The following SLC17A3 variants were observed in gnomAD, a reference collection of about 807,000 sequenced individuals.
SLC17A3 encodes the protein solute carrier family 17 member 3.
In SLC17A3, 61 loss-of-function variants were observed where a neutral mutation model predicts 60.3. That is an observed-to-expected ratio of 1.01 (90% CI 0.82 to 1.25). SLC17A3 has a LOEUF of 1.25. SLC17A3 is among the 50% of genes most tolerant of loss of function. The pLI is 0.00. For synonymous variants in SLC17A3, 192 were observed against 208.9 expected, an observed-to-expected ratio of 0.92 and a Z score of 0.70; for missense variants, 624 against 594.9, an observed-to-expected ratio of 1.05 and a Z score of -0.51.
rs1204994822 is a variant in SLC17A3, at chr6:25,850,146, A to G, written c.1025T>C (p.Val342Ala). ...NGLLSALPFI[V>A]AWVIGMVGGY... Reference sequence around the variant, plus strand: ...TCCCACCATGCCTATGACCCAGGCAACAATAAAAGGAAGGGCAGATAGAAG... The same window carrying G: ...TCCCACCATGCCTATGACCCAGGCAGCAATAAAAGGAAGGGCAGATAGAAG... Residue 342 changes from valine (V) to alanine (A), a missense_variant, in exon 9 of 13, where the codon GTT becomes GCT. Transcript: ENST00000397060. 6.2e-7 allele frequency: 1 copy of G among 1,613,738 alleles called. No homozygotes were observed. Among genetic ancestry groups the G allele is most frequent in the South Asian group, 1.1e-5 (1 of 91,066 alleles).
At chr6:25,869,535 G>A (rs1765603328) in intron 1 of SLC17A3, among the ~76,000 whole-genome samples, 1 of 151,890 alleles carries the variant, frequency 6.6e-6, no homozygotes, top group South Asian at 2.1e-4. Context: ...CCAAGGCTGG[G>A]TAATTTATAA....
chr6:25,868,480 A>G (rs145641956), intron 1 of SLC17A3, 60 bp from the exon 2 acceptor site: 61 of 1,120,560 alleles, frequency 5.4e-5, no homozygotes, highest in Admixed American at 3.2e-4. Flanking sequence ...CCCCGTTGAA[A>G]TATTTAAACA....
In SLC17A3 at chr6:25,849,445, C is replaced by T. The variant is rs1765233277; in HGVS notation, c.1291G>A (p.Gly431Arg). 1.9e-6 allele frequency: 3 copies of T among 1,611,464 alleles called. No homozygotes were observed. Among genetic ancestry groups the T allele is most frequent in the Admixed American group, 1.7e-5 (1 of 60,010 alleles). ...IAPRYSSFLM[G>R]ASRGFSSIAP... ...ATGCTCGAAAATCCTCTTGATGCTC[C>T]CATGAGAAAACTGGAATACCTGTGG... Residue 431 changes from glycine to arginine, a missense_variant, in exon 11 of 13, where the codon GGA becomes AGA. Transcript: ENST00000397060.
chr6:25,862,141 A>C, intron 3 of SLC17A3, 92 bp downstream of exon 3: 1 of 1,419,568 alleles, frequency 7.0e-7, no homozygotes, highest in Non-Finnish European at 9.8e-7. Flanking sequence ...TTCTCCATTA[A>C]AGTTTTTAAA....
chr6:25,850,072 C>A lies in SLC17A3; in HGVS notation c.1099G>T (p.Val367Leu). ...CCTAAAATTGTGGCAATTTTCCTCA[C>A]AGTGATGAGTCTAAACTTTTTGGTT... ...LLTKKFRLIT[V>L]RKIATILGSL... Residue 367 changes from valine (V) to leucine (L), a missense_variant, in exon 9 of 13, where the codon GTG becomes TTG. Transcript: ENST00000397060. 2 of 1,613,960 alleles carry A rather than the reference C, an allele frequency of 1.2e-6. No individual in the cohort carries two copies. The highest frequency in any genetic ancestry group is 8.5e-7 in the Non-Finnish European group (1 of 1,179,864).
intron 5 of SLC17A3, among the ~76,000 whole-genome samples, chr6:25,860,904 T>C (rs547902035): frequency 6.6e-6 from 1 of 152,208 alleles, no homozygotes; most frequent in African/African-American, 2.4e-5. Context: ...TGGCAGAGAC[T>C]AATCCTCCAG....
At chr6:25,868,265 T>G (rs1185727550) in intron 2 of SLC17A3, 32 bp downstream of exon 2, 1 of 1,505,424 alleles carries the variant, frequency 6.6e-7, no homozygotes, top group Admixed American at 1.7e-5. Context: ...CACTGTAAAA[T>G]CCTAAAACCA....
intron 6 of SLC17A3, among the ~76,000 whole-genome samples, chr6:25,854,275 T>C (rs1765325266): frequency 2.6e-5 from 4 of 152,242 alleles, no homozygotes; most frequent in Admixed American, 1.3e-4. Context: ...TGTTGATTTC[T>C]CCTTACTCTT....
chr6:25,850,344 T>A (rs1166026791), intron 8 of SLC17A3, 115 bp downstream of exon 8: 16 of 1,347,144 alleles, frequency 1.2e-5, no homozygotes, highest in Middle Eastern at 1.8e-4. Context: ...GAGTATTAAA[T>A]ATTAGATTAT....
chr6:25,861,709 GGACTGAAATTAAAATGATTA>G lies in SLC17A3; in HGVS notation c.538-18_539del, dbSNP rs770866165. On this transcript the variant is annotated splice_acceptor_variant and splice_polypyrimidine_tract_variant and coding_sequence_variant and intron_variant, in exon 5 of 13. Coordinates refer to ENST00000397060, the MANE Select transcript of SLC17A3 (RefSeq NM_001098486.2). LOFTEE classifies it high-confidence loss of function. ...TTGCAAACTGACCCCCAAGTATTGA[GGACTGAAATTAAAATGATTA>G]GAGTTCTTAATGTGTGGTGCCATGT... The G allele has an allele frequency of 1.9e-6, 3 of 1,613,768 alleles. No individual in the cohort carries two copies. The Admixed American group carries it at 5.0e-5, about 27-fold the overall frequency.
intron 1 of SLC17A3, 77 bp from the exon 2 acceptor site, chr6:25,868,497 C>T: frequency 2.0e-6 from 2 of 991,874 alleles, no homozygotes; most frequent in Non-Finnish European, 3.1e-6. Context: ...AACAAGGGCA[C>T]CAAGGAAAAA....
rs567328325 is a variant in SLC17A3, at chr6:25,873,665, T to G, written c.-34+502A>C. ...TTCACACCAACTCACTGGATCTTGA[T>G]GCAGCATTTCTCCAGATGCTTTCTT... On this transcript the variant is annotated intron_variant, in intron 1 of 12. Coordinates refer to ENST00000397060, the MANE Select transcript of SLC17A3 (RefSeq NM_001098486.2). Among the ~76,000 whole-genome samples, 9 of 152,236 alleles carry G rather than the reference T, an allele frequency of 5.9e-5. No individual in the cohort carries two copies. The South Asian group carries it at 1.4e-3, about 25-fold the overall frequency.
At chr6:25,869,009 C>T (rs180803759) in intron 1 of SLC17A3, among the ~76,000 whole-genome samples, 9 of 151,992 alleles carry the variant, frequency 5.9e-5, no homozygotes, top group Admixed American at 1.3e-4. Context: ...CTGTAAGTAT[C>T]GCTGATATGT....
At position 25,861,691 on chromosome 6, in the gene SLC17A3, C is replaced by A; in HGVS notation, c.558G>T (p.Gln186His). ...GLSQSSILGG[Q>H]FAIWEKWGPP... is the part of the protein sequence containing the mutation. The stretch of plus-strand genomic sequence containing the variant: ...GGCCCCACTTTTCCCAAATTGCAAA[C>A]TGACCCCCAAGTATTGAGGACTGAA... The change falls in exon 5 of 13, where the codon CAG becomes CAT. Residue 186 changes from glutamine (Q) to histidine (H), a missense_variant. Gln to His is a conservative substitution (Grantham distance 24). Transcript: ENST00000397060. 6.2e-7 allele frequency: 1 copy of A among 1,614,046 alleles called. No individual in the cohort carries two copies. The highest frequency in any genetic ancestry group is 8.5e-7 in the Non-Finnish European group (1 of 1,179,908).
intron 1 of SLC17A3, among the ~76,000 whole-genome samples, chr6:25,872,148 G>A (rs1262343072): frequency 6.6e-6 from 1 of 151,828 alleles, no homozygotes; most frequent in Non-Finnish European, 1.5e-5. Flanking sequence ...TTAACTTTAT[G>A]ACTTCATAAT....
At chr6:25,869,754 C>T (rs1047107476) in intron 1 of SLC17A3, among the ~76,000 whole-genome samples, 5 of 151,982 alleles carry the variant, frequency 3.3e-5, no homozygotes, top group African/African-American at 9.7e-5. Flanking sequence ...CCCCATGATT[C>T]AATTATCTCC....
chr6:25,857,261 G>T (rs1018185277), intron 5 of SLC17A3, among the ~76,000 whole-genome samples: 1 of 150,344 alleles, frequency 6.7e-6, no homozygotes, highest in African/African-American at 2.4e-5. Flanking sequence ...AAAGTTGCAC[G>T]TTTTTCTATC....
intron 1 of SLC17A3, among the ~76,000 whole-genome samples, chr6:25,871,307 C>T (rs1439479069): frequency 1.3e-5 from 2 of 151,870 alleles, no homozygotes; most frequent in Non-Finnish European, 2.9e-5. Context: ...TACTATGCAG[C>T]CATAAAAAAT....
At chr6:25,857,557 C>CAAA (rs577314037) in intron 5 of SLC17A3, among the ~76,000 whole-genome samples, 1 of 113,588 alleles carries the variant, frequency 8.8e-6, no homozygotes. Flanking sequence ...CACATAACGT[C>CAAA]AAAAAAAAAA....
Sources: allele counts gnomAD v4.1 joint callset (sites outside exome capture counted in the v4.1 genomes callset), GRCh38; gene constraint gnomAD v4.1.1; transcripts MANE v1.5; gene names NCBI Gene and HGNC (gene_info 2026-07-23, HGNC 2026-07-21).